HSPA14: variants seen among roughly 807,000 people sequenced by gnomAD.
The protein encoded by HSPA14 is heat shock 70 kDa protein 14.
A neutral mutation model predicts 65.5 loss-of-function variants in HSPA14; 37 were observed. That is an observed-to-expected ratio of 0.56 (90% CI 0.43 to 0.74). HSPA14 has a LOEUF of 0.74. Among genes scored for constraint, HSPA14 ranks in the 30% least tolerant of loss-of-function variants. The pLI is 0.00. For synonymous variants in HSPA14, 203 were observed against 214.2 expected, an observed-to-expected ratio of 0.95 and a Z score of 0.46; for missense variants, 564 against 607.6, an observed-to-expected ratio of 0.93 and a Z score of 0.75.
intron 10 of HSPA14, among the ~76,000 whole-genome samples, chr10:14,864,269 G>GC (rs1404692449): frequency 7.1e-6 from 1 of 140,412 alleles, no homozygotes; most frequent in African/African-American, 2.7e-5. Flanking sequence ...TTCCAAGGTT[G>GC]GTTTTTTTTT....
intron 8 of HSPA14, 57 bp downstream of exon 8, chr10:14,852,588 TA>T: frequency 7.3e-7 from 1 of 1,367,858 alleles, no homozygotes; most frequent in East Asian, 2.5e-5. Context: ...TCACATATTT[TA>T]ATTTTTTTTC....
Position 14,842,243 on chromosome 10 carries a change from C to A in HSPA14, c.221+2086C>A, listed in dbSNP as rs777367311. The A allele has an allele frequency of 2.0e-6, 3 of 1,535,520 alleles. No individual in the cohort carries two copies. The South Asian group carries it at 3.6e-5, about 18-fold the overall frequency. On this transcript the variant is annotated intron_variant, in intron 3 of 13. Transcript: ENST00000378372. The surrounding 1 kb of genome is among the most constrained non-coding windows in gnomAD (Gnocchi z 5.2). ...CTTCCCCACACCTTCAGACTTGCAC[C>A]TTGCTGTCCAGAAGCTGCCTAGCCC...
At chr10:14,862,903 T>C in intron 10 of HSPA14, among the ~76,000 whole-genome samples, 1 of 150,304 alleles carries the variant, frequency 6.7e-6, no homozygotes, top group African/African-American at 2.5e-5. Flanking sequence ...AGGCTAGTCT[T>C]GAACTCCTAG....
At chr10:14,854,013 C>T (rs1380797212) in intron 8 of HSPA14, 112 bp from the exon 9 acceptor site, 23 of 1,097,208 alleles carry the variant, frequency 2.1e-5, no homozygotes, top group East Asian at 8.1e-5. Context: ...CCACCGCACC[C>T]GGCCTGATTC....
At chr10:14,851,126 T>A in intron 6 of HSPA14, 93 bp from the exon 7 acceptor site, 1 of 724,114 alleles carries the variant, frequency 1.4e-6, no homozygotes, top group Non-Finnish European at 2.4e-6. Context: ...GAAATTTTAG[T>A]AGCTTTTGTA....
intron 10 of HSPA14, among the ~76,000 whole-genome samples, chr10:14,862,927 G>A (rs1307634307): frequency 6.6e-6 from 1 of 151,962 alleles, no homozygotes; most frequent in African/African-American, 2.4e-5. Context: ...CAAGAGATCC[G>A]CCCACCTCAG....
Position 14,838,390 on chromosome 10 carries a change from TC to T in HSPA14, c.-10del. 1 of 1,600,058 alleles carries T rather than the reference TC, an allele frequency of 6.2e-7. No homozygotes were observed. On this transcript the variant is annotated 5_prime_UTR_variant, in exon 1 of 14. Transcript: ENST00000378372. ...GACCCCCTCATTCCTGCCGCTGCCG[TC>T]CCTGCTGCCTCATGGCGGCCATCGG...
chr10:14,838,481 C>T, intron 1 of HSPA14, 22 bp downstream of exon 1: 1 of 1,587,620 alleles, frequency 6.3e-7, no homozygotes, highest in Non-Finnish European at 8.6e-7. Flanking sequence ...CGGAGCTGGG[C>T]TAGGGCTTCA....
At position 14,867,786 on chromosome 10, in the gene HSPA14, G is replaced by C; in HGVS notation, c.1257G>C (p.Gly419=). ...GATTCACAGTGCTGTTTCCATCAGGGACTCCTTTGCCAGCTCGAAGACAAC... is the reference window on the plus strand; with the variant it reads ...GATTCACAGTGCTGTTTCCATCAGGCACTCCTTTGCCAGCTCGAAGACAAC... The part of the protein sequence containing the change: ...ASRFTVLFPS[G]TPLPARRQHT... Residue 419 remains glycine, a synonymous_variant, in exon 12 of 14, where the codon GGG becomes GGC. Coordinates refer to ENST00000378372, the MANE Select transcript of HSPA14 (RefSeq NM_016299.4). The C allele has an allele frequency of 6.2e-7, 1 of 1,614,088 alleles. No homozygotes were observed. The highest frequency in any genetic ancestry group is 1.3e-5 in the African/African-American group (1 of 75,010).
chr10:14,871,414 T>G, intron 13 of HSPA14, 114 bp from the exon 14 acceptor site: 1 of 656,256 alleles, frequency 1.5e-6, no homozygotes, highest in East Asian at 2.9e-5. Flanking sequence ...ATACCCTTCT[T>G]TTGAAAATTA....
chr10:14,869,093 G>C (rs1832831917), intron 12 of HSPA14, among the ~76,000 whole-genome samples: 10 of 152,086 alleles, frequency 6.6e-5, no homozygotes, highest in Admixed American at 6.6e-4. Flanking sequence ...TGATCCGCCT[G>C]CCTTGGCCTC....
At chr10:14,839,632 A>G (rs1387685251) in intron 1 of HSPA14, among the ~76,000 whole-genome samples, 2 of 152,162 alleles carry the variant, frequency 1.3e-5, no homozygotes, top group Non-Finnish European at 2.9e-5. Context: ...AAGGTAACGT[A>G]ATAATAGCCT....
intron 7 of HSPA14, among the ~76,000 whole-genome samples, chr10:14,852,157 CAT>C (rs1834113130): frequency 6.6e-6 from 1 of 152,212 alleles, no homozygotes; most frequent in Non-Finnish European, 1.5e-5. Context: ...GTTGTATCCA[CAT>C]GACTGAGGAA....
intron 10 of HSPA14, among the ~76,000 whole-genome samples, chr10:14,862,609 T>G (rs2131646043): frequency 6.6e-6 from 1 of 152,086 alleles, no homozygotes; most frequent in Middle Eastern, 3.4e-3. Context: ...TCTCCTGACC[T>G]TGTAATCCGC....
In HSPA14 at chr10:14,842,284, A is replaced by G; in HGVS notation, c.221+2127A>G. ...TGCCTAGCCCTCCTTTCCAACCCAC[A>G]ATGGCCAGTGCCAATAGCAGTGCGG... On this transcript the variant is annotated intron_variant, in intron 3 of 13. Transcript: ENST00000378372. The surrounding 1 kb of genome is among the most constrained non-coding windows in gnomAD (Gnocchi z 5.2). 1 of 1,535,228 alleles carries G rather than the reference A, an allele frequency of 6.5e-7. No homozygotes were observed. The highest frequency in any genetic ancestry group is 8.7e-7 in the Non-Finnish European group (1 of 1,146,168).
At chr10:14,847,898 A>G (rs1192885020) in intron 3 of HSPA14, among the ~76,000 whole-genome samples, 1 of 152,192 alleles carries the variant, frequency 6.6e-6, no homozygotes, top group Non-Finnish European at 1.5e-5. Context: ...CTAAAGTATG[A>G]ATAATAGTAG....
chr10:14,871,407 C>G, intron 13 of HSPA14, 121 bp from the exon 14 acceptor site: 1 of 636,460 alleles, frequency 1.6e-6, no homozygotes, highest in Non-Finnish European at 2.8e-6. Flanking sequence ...TACATTAATA[C>G]CCTTCTTTTG....
At position 14,871,655 on chromosome 10, in the gene HSPA14, G is replaced by A; in HGVS notation, c.*49G>A. ...TTAAAAACAAGAATATCAACATTTG[G>A]TTTTGTGTATAAGTGGTGTTTGTAT... On this transcript the variant is annotated 3_prime_UTR_variant, in exon 14 of 14. Transcript: ENST00000378372. The A allele has an allele frequency of 9.9e-7, 1 of 1,010,920 alleles. No individual in the cohort carries two copies. Among genetic ancestry groups the A allele is most frequent in the Non-Finnish European group, 1.5e-6 (1 of 656,746 alleles). The allele number at this position is 1,010,920 out of a possible 1,614,324, so 62.6% of individuals were successfully genotyped here.
intron 3 of HSPA14, among the ~76,000 whole-genome samples, chr10:14,848,228 GTTTGCC>G (rs1834077883): frequency 6.6e-6 from 1 of 152,062 alleles, no homozygotes. Flanking sequence ...AGCTAGTTTG[GTTTGCC>G]TTTAGTTTGC....
Sources: gnomAD v4.1 joint callset for allele counts (sites outside exome capture counted in the v4.1 genomes callset) on GRCh38, gnomAD v4.1.1 for gene constraint, Gnocchi (gnomAD v3.1) non-coding constraint, MANE v1.5 for transcripts, NCBI Gene and HGNC (gene_info 2026-07-23, HGNC 2026-07-21) for gene names.